Variants in CCT5 observed in about 807,000 individuals in gnomAD.
CCT5 encodes T-complex protein 1 subunit epsilon.
In CCT5, 6 loss-of-function variants were observed where a neutral mutation model predicts 55.0. The observed-to-expected ratio is 0.11, with a 90% CI of 0.06 to 0.22. The LOEUF (loss-of-function observed/expected upper bound fraction) is 0.22. Ranked by LOEUF, CCT5 falls within the 10% of genes least tolerant of loss-of-function variation. The pLI, the probability that CCT5 is intolerant of heterozygous loss-of-function variation, is 1.00. For synonymous variants in CCT5, 231 were observed against 243.7 expected (o/e 0.95, Z 0.49); for missense variants, 560 against 694.6 (o/e 0.81, Z 2.18).
At chr5:10,255,715 C>G (rs538514397) in intron 3 of CCT5, among the ~76,000 whole-genome samples, 4 of 152,120 alleles carry the variant, frequency 2.6e-5, no homozygotes, top group Non-Finnish European at 5.9e-5. Context: ...TCTTTAGTTA[C>G]GTTCTTCACA....
chr5:10,252,611 T>C (rs1365536004), intron 1 of CCT5, among the ~76,000 whole-genome samples: 1 of 68,844 alleles, frequency 1.5e-5, no homozygotes, highest in Non-Finnish European at 3.5e-5. Flanking sequence ...TGAGACTCCG[T>C]CTCAAAAAAA....
rs563012654 is a variant in CCT5, at chr5:10,265,765, C to T, written c.*982C>T. ...AGTCTGACCCCAGAGTGGCCCAGCT[C>T]ATCCCCTACTCTGTTATTTGCTTGT... On this transcript the variant is annotated 3_prime_UTR_variant, in exon 11 of 11. Transcript: ENST00000280326. The T allele has an allele frequency of 2.9e-5, 2 of 68,538 alleles. No homozygotes were observed. The highest frequency in any genetic ancestry group is 4.7e-5 in the Non-Finnish European group (1 of 21,268). 4.2% of individuals were successfully genotyped at this position (68,538 alleles called of 1,614,324 possible).
chr5:10,250,064 A>G (rs928725764), upstream of CCT5: 4 of 1,540,122 alleles, frequency 2.6e-6, no homozygotes, highest in Non-Finnish European at 3.5e-6. Context: ...TTAAAAAATG[A>G]CAAATTCAAT....
In CCT5 at chr5:10,254,794, A is replaced by G. The variant is rs1287422367; in HGVS notation, c.287A>G (p.Lys96Arg). The G allele has an allele frequency of 3.1e-6, 5 of 1,614,174 alleles. No individual in the cohort carries two copies. Among genetic ancestry groups the G allele is most frequent in the South Asian group, 2.2e-5 (2 of 91,084 alleles). ...GCCAAGCTGATGGTGGAACTGTCCA[A>G]GTCTCAGGATGATGAAATTGGAGAT... is the stretch of plus-strand genomic sequence containing the variant. ...QIAKLMVELS[K>R]SQDDEIGDGT... Residue 96 changes from lysine to arginine, a missense_variant, in exon 3 of 11, where the codon AAG becomes AGG. Physicochemically the swap from Lys to Arg is conservative, Grantham distance 26 (BLOSUM62 2). Around this residue, in one of 4 missense-constraint regions of CCT5, gnomAD observed 137 missense variants for 181.9 expected, o/e 0.75. Transcript: ENST00000280326.
intron 1 of CCT5, among the ~76,000 whole-genome samples, chr5:10,252,922 T>A (rs940159483): frequency 2.0e-5 from 3 of 152,016 alleles, no homozygotes; most frequent in African/African-American, 7.2e-5. Flanking sequence ...TGCTTTCTCC[T>A]TAAAAATAAT....
At chr5:10,256,273 AT>A (rs1745677781) in intron 4 of CCT5, 120 bp downstream of exon 4, 1 of 899,806 alleles carries the variant, frequency 1.1e-6, no homozygotes, top group Admixed American at 2.0e-5. Context: ...ATTTGTTTTG[AT>A]TACTTGGTTT....
Position 10,254,210 on chromosome 5 carries a change from GA to G in CCT5, c.166+6del. 6.4e-7 allele frequency: 1 copy of G among 1,572,272 alleles called. No homozygotes were observed. The highest frequency in any genetic ancestry group is 1.7e-4 in the Middle Eastern group (1 of 5,950). ...GAACATCACTTGGACCAAATGGTAAGAGTCCACCATTCCGTGTTTTTTAGCA... is the reference window on the plus strand; with the variant it reads ...GAACATCACTTGGACCAAATGGTAAGGTCCACCATTCCGTGTTTTTTAGCA... On this transcript the variant is annotated splice_donor_region_variant and intron_variant, in intron 2 of 10. Transcript: ENST00000280326.
intron 1 of CCT5, among the ~76,000 whole-genome samples, chr5:10,253,074 C>T (rs1745506974): frequency 6.6e-6 from 1 of 152,180 alleles, no homozygotes; most frequent in African/African-American, 2.4e-5. Context: ...ACCTGTAATC[C>T]TGGCACTTTG....
At position 10,258,623 on chromosome 5, in the gene CCT5, T is replaced by A; in HGVS notation, c.873+88T>A. On this transcript the variant is annotated intron_variant, in intron 6 of 10. Transcript: ENST00000280326. ...GGTTAGTAAATATGTGTAGTCTTTCTTCAGTTCTAAAACATACACAGGAAA... is the reference window on the plus strand; with the variant it reads ...GGTTAGTAAATATGTGTAGTCTTTCATCAGTTCTAAAACATACACAGGAAA... 5.6e-6 allele frequency: 7 copies of A among 1,240,928 alleles called. 1 individual carries two copies. The South Asian group carries it at 8.5e-5, about 15-fold the overall frequency. The allele number at this position is 1,240,928 out of a possible 1,614,324, so 76.9% of individuals were successfully genotyped here.
At chr5:10,257,266 A>C (rs1009709124) in intron 4 of CCT5, among the ~76,000 whole-genome samples, 5 of 152,258 alleles carry the variant, frequency 3.3e-5, no homozygotes, top group African/African-American at 1.2e-4. Context: ...CACAGATCTC[A>C]GCAGAGACTA....
chr5:10,263,338 G>A (rs1244713634), intron 10 of CCT5, 24 bp downstream of exon 10: 29 of 1,375,756 alleles, frequency 2.1e-5, no homozygotes, highest in East Asian at 1.0e-4. Flanking sequence ...ACGCCTCTGC[G>A]TGGAGGGGGG....
intron 2 of CCT5, 60 bp from the exon 3 acceptor site, chr5:10,254,614 A>T: frequency 6.9e-7 from 1 of 1,455,528 alleles, no homozygotes; most frequent in Non-Finnish European, 9.6e-7. Flanking sequence ...GTCTTGTTTT[A>T]TAGTTTGTGA....
chr5:10,257,247 TC>T (rs1325378972), intron 4 of CCT5, among the ~76,000 whole-genome samples: 1 of 152,188 alleles, frequency 6.6e-6, no homozygotes, highest in Non-Finnish European at 1.5e-5. Context: ...CCTGCTGTCC[TC>T]CTCTAACCAC....
intron 7 of CCT5, chr5:10,261,277 T>C: frequency 2.0e-6 from 1 of 503,296 alleles, no homozygotes; most frequent in South Asian, 2.0e-5. Flanking sequence ...GTTCCCAGAG[T>C]GAGGGAGGGC....
intron 4 of CCT5, among the ~76,000 whole-genome samples, chr5:10,257,272 G>A (rs758952061): frequency 1.3e-5 from 2 of 152,226 alleles, no homozygotes; most frequent in Non-Finnish European, 2.9e-5. Context: ...TCTCAGCAGA[G>A]ACTAGCTCCC....
chr5:10,250,596 C>G, intron 1 of CCT5, 151 bp downstream of exon 1: 1 of 1,470,692 alleles, frequency 6.8e-7, no homozygotes, highest in Non-Finnish European at 9.0e-7. Flanking sequence ...CCGCTCAGCC[C>G]GCTTACTGAG....
chr5:10,260,871 A>G lies in CCT5; in HGVS notation c.953A>G (p.Asn318Ser). The G allele has an allele frequency of 1.2e-6, 2 of 1,614,196 alleles. No individual in the cohort carries two copies. Among genetic ancestry groups the G allele is most frequent in the Non-Finnish European group, 1.7e-6 (2 of 1,180,014 alleles). Residue 318 changes from asparagine to serine, a missense_variant, in exon 7 of 11, where the codon AAC becomes AGC. Asn to Ser is a conservative substitution (Grantham distance 46). Around this residue, in one of 4 missense-constraint regions of CCT5, gnomAD observed 256 missense variants for 372.4 expected, o/e 0.69. Transcript: ENST00000280326. ...DEANHLLLQN[N>S]LPAVRWVGGP... Reference sequence around the variant, plus strand: ...GCAAATCACTTACTTCTTCAGAACAACTTGCCTGCGGTTCGCTGGGTAGGA... The same window carrying G: ...GCAAATCACTTACTTCTTCAGAACAGCTTGCCTGCGGTTCGCTGGGTAGGA...
In CCT5 at chr5:10,265,023, TCTC is replaced by T; in HGVS notation, c.*241_*243del. ...GAATCTGTTTAAACAACCTTTATCT[TCTC>T]TTCGGGTTTAAGAAACGTTTATTGT... On this transcript the variant is annotated 3_prime_UTR_variant, in exon 11 of 11. Coordinates refer to ENST00000280326, the MANE Select transcript of CCT5 (RefSeq NM_012073.5). 1 of 466,056 alleles carries T rather than the reference TCTC, an allele frequency of 2.1e-6. No individual in the cohort carries two copies. The highest frequency in any genetic ancestry group is 3.8e-6 in the Non-Finnish European group (1 of 261,584). The allele number at this position is 466,056 out of a possible 1,614,324, so 28.9% of individuals were successfully genotyped here.
chr5:10,261,006 C>A, intron 7 of CCT5, 95 bp downstream of exon 7: 1 of 1,306,370 alleles, frequency 7.7e-7, no homozygotes, highest in Non-Finnish European at 1.1e-6. Flanking sequence ...AACTGCATCA[C>A]ACCAAGGCTG....
Sources: allele counts gnomAD v4.1 joint callset (sites outside exome capture counted in the v4.1 genomes callset), GRCh38; gene constraint gnomAD v4.1.1; regional missense constraint gnomAD v4.1.1; transcripts MANE v1.5; gene names NCBI Gene and HGNC (gene_info 2026-07-23, HGNC 2026-07-21).